The following ZC3H4 variants were observed in gnomAD, a reference collection of about 807,000 sequenced individuals.
ZC3H4 encodes zinc finger CCCH domain-containing protein 4.
ZC3H4 carries 13 observed loss-of-function variants against 108.3 expected under a neutral mutation model. The ratio of observed to expected loss-of-function variants is 0.12; its 90% CI spans 0.08 to 0.19. The LOEUF (loss-of-function observed/expected upper bound fraction) is 0.19. Ranked by LOEUF, ZC3H4 falls within the 10% of genes least tolerant of loss-of-function variation. The probability of loss-of-function intolerance (pLI) is 1.00; values close to 1 mark genes in which losing one functional copy is unlikely to be tolerated. For synonymous variants in ZC3H4, 917 were observed against 749.6 expected (o/e 1.22, Z -3.65); for missense variants, 1,734 against 1,838.8 (o/e 0.94, Z 1.04).
In ZC3H4 at chr19:47,067,600, G is replaced by C; in HGVS notation, c.2668C>G (p.Pro890Ala). 1 of 1,606,582 alleles carries C rather than the reference G, an allele frequency of 6.2e-7. No individual in the cohort carries two copies. The highest frequency in any genetic ancestry group is 8.5e-7 in the Non-Finnish European group (1 of 1,177,780). The change falls in exon 15 of 15, where the codon CCT becomes GCT. Residue 890 changes from proline to alanine, a missense_variant. Coordinates refer to ENST00000253048, the MANE Select transcript of ZC3H4 (RefSeq NM_015168.2). This position sits in a 1 kb window ranked among gnomAD's most constrained non-coding sequence, Gnocchi z 6.4. ...GTGGGCAGGGCGCGAGCCAGCCGAGGATCGGAGGGTCCCGAATCACCTGGG... is the reference window on the plus strand; with the variant it reads ...GTGGGCAGGGCGCGAGCCAGCCGAGCATCGGAGGGTCCCGAATCACCTGGG... Reference protein sequence around the residue: ...SGPGDSGPSDPRLARALPTSK... With the variant: ...SGPGDSGPSDARLARALPTSK...
chr19:47,066,076 A>C lies in ZC3H4; in HGVS notation c.*280T>G. The C allele has an allele frequency of 6.5e-6, 2 of 305,806 alleles. No individual in the cohort carries two copies. Among genetic ancestry groups the C allele is most frequent in the Non-Finnish European group, 1.2e-5 (2 of 166,434 alleles). 18.9% of individuals were successfully genotyped at this position (305,806 alleles called of 1,614,324 possible). A position where few individuals can be genotyped will look rare whatever the true frequency, so the allele number is the denominator to read the frequency against. On this transcript the variant is annotated 3_prime_UTR_variant, in exon 15 of 15. Coordinates refer to ENST00000253048, the MANE Select transcript of ZC3H4 (RefSeq NM_015168.2). ...GAGCCCACAGAGTCTGAGGCCAGGC[A>C]CTGGCGAAAGTTCACAGGTTTGCGG...
chr19:47,076,360 G>A (rs1361865960), intron 11 of ZC3H4, among the ~76,000 whole-genome samples: 2 of 151,878 alleles, frequency 1.3e-5, no homozygotes, highest in African/African-American at 2.4e-5. Context: ...CACTCTTAAA[G>A]CCTGTTTACC....
At position 47,065,325 on chromosome 19, in the gene ZC3H4, A is replaced by G. The variant is rs1252138679; in HGVS notation, c.*1031T>C. The G allele has an allele frequency of 2.0e-5, 3 of 152,760 alleles. No homozygotes were observed. Among genetic ancestry groups the G allele is most frequent in the African/African-American group, 7.2e-5 (3 of 41,458 alleles). The allele number at this position is 152,760 out of a possible 1,614,324, so 9.5% of individuals were successfully genotyped here. ...ATCAATACCTCATGCCCTGCAGGTCACACAGTGTAAGGAGGTGCGAGGAAA... is the reference window on the plus strand; with the variant it reads ...ATCAATACCTCATGCCCTGCAGGTCGCACAGTGTAAGGAGGTGCGAGGAAA... On this transcript the variant is annotated 3_prime_UTR_variant, in exon 15 of 15. Coordinates refer to ENST00000253048, the MANE Select transcript of ZC3H4 (RefSeq NM_015168.2).
chr19:47,080,307 G>A (rs772118796), intron 11 of ZC3H4, among the ~76,000 whole-genome samples: 12 of 152,202 alleles, frequency 7.9e-5, no homozygotes, highest in African/African-American at 2.9e-4. Context: ...CTGATGCCAG[G>A]ATGAGTTTCA....
At chr19:47,075,340 C>A (rs528239258) in intron 11 of ZC3H4, among the ~76,000 whole-genome samples, 2 of 152,136 alleles carry the variant, frequency 1.3e-5, no homozygotes, top group African/African-American at 2.4e-5. Context: ...CAGAGCCTTG[C>A]GCCAGCTGCT....
At position 47,066,811 on chromosome 19, in the gene ZC3H4, T is replaced by C. The variant is rs2057211646; in HGVS notation, c.3457A>G (p.Thr1153Ala). ...LSGISLYDPR[T>A]PNAGGKATEP... ...GTGGCTTTGCCCCCCGCGTTGGGAG[T>C]CCTCGGGTCGTAGAGGCTGATACCG... The change falls in exon 15 of 15, where the codon ACT (threonine) becomes GCT (alanine). Residue 1153 changes from threonine (T) to alanine (A), a missense_variant. Thr to Ala is a moderately conservative substitution (Grantham distance 58). This residue lies in a region of ZC3H4 where 518 missense variants were observed against 499.6 expected (regional missense o/e 1.04). Transcript: ENST00000253048. 1 of 1,600,218 alleles carries C rather than the reference T, an allele frequency of 6.2e-7. No individual in the cohort carries two copies. Among genetic ancestry groups the C allele is most frequent in the Non-Finnish European group, 8.5e-7 (1 of 1,178,952 alleles).
chr19:47,067,055 G>T lies in ZC3H4; in HGVS notation c.3213C>A (p.Pro1071=), dbSNP rs779223341. ...APGSSDKPSD[P]RVRKAPTDPR... is the part of the protein sequence containing the mutation. ...GGTCGGTGGGGGCCTTCCGCACCCG[G>T]GGGTCACTGGGTTTGTCGCTGGAAC... is the stretch of plus-strand genomic sequence containing the variant. The change falls in exon 15 of 15, where the codon CCC becomes CCA. Residue 1071 remains proline (P), a synonymous_variant. Coordinates refer to ENST00000253048, the MANE Select transcript of ZC3H4 (RefSeq NM_015168.2). The surrounding 1 kb of genome is among the most constrained non-coding windows in gnomAD (Gnocchi z 6.4). 1.9e-6 allele frequency: 3 copies of T among 1,607,964 alleles called. No homozygotes were observed. The highest frequency in any genetic ancestry group is 2.5e-6 in the Non-Finnish European group (3 of 1,177,268).
At chr19:47,108,939 C>T (rs2058001115) in intron 2 of ZC3H4, among the ~76,000 whole-genome samples, 1 of 152,040 alleles carries the variant, frequency 6.6e-6, no homozygotes, top group African/African-American at 2.4e-5. Flanking sequence ...ACGAGAACAT[C>T]CATATTTCCA....
intron 11 of ZC3H4, among the ~76,000 whole-genome samples, chr19:47,078,167 T>C (rs1385771023): frequency 6.6e-6 from 1 of 152,188 alleles, no homozygotes; most frequent in African/African-American, 2.4e-5. Flanking sequence ...TCTCTATTTT[T>C]TTCATTATTT....
intron 4 of ZC3H4, among the ~76,000 whole-genome samples, chr19:47,093,443 T>C (rs528558096): frequency 3.3e-5 from 5 of 152,162 alleles, no homozygotes; most frequent in Non-Finnish European, 7.3e-5. Context: ...AGCCGTGACG[T>C]GGACCAGTCA....
In ZC3H4 at chr19:47,067,745, G is replaced by A. The variant is rs1386942423; in HGVS notation, c.2523C>T (p.Ser841=). Residue 841 remains serine (S), a synonymous_variant, in exon 15 of 15, where the codon AGC becomes AGT. Coordinates refer to ENST00000253048, the MANE Select transcript of ZC3H4 (RefSeq NM_015168.2). The surrounding 1 kb of genome is among the most constrained non-coding windows in gnomAD (Gnocchi z 6.4). ...GGAGGCGGGGGTCCCCCAGCCCACT[G>A]CTGCTCAGCTCCCCAACTGAAGCCG... ...RPPASVGELS[S]SGLGDPRLQK... 7 of 1,608,654 alleles carry A rather than the reference G, an allele frequency of 4.4e-6. No individual in the cohort carries two copies. Among genetic ancestry groups the A allele is most frequent in the East Asian group, 2.2e-5 (1 of 44,784 alleles).
chr19:47,103,859 G>C lies in ZC3H4; in HGVS notation c.161+8565C>G, dbSNP rs569938455. On this transcript the variant is annotated intron_variant, in intron 2 of 14. Coordinates refer to ENST00000253048, the MANE Select transcript of ZC3H4 (RefSeq NM_015168.2). ...CTCAGGAGGCTGAGGCAGGAGAATGGCATGAACCCGGGAGGCAGAGCTTGC... is the reference window on the plus strand; with the variant it reads ...CTCAGGAGGCTGAGGCAGGAGAATGCCATGAACCCGGGAGGCAGAGCTTGC... 1.8e-4 allele frequency among the ~76,000 whole-genome samples: 28 copies of C among 151,978 alleles called. 3 individuals are homozygous for C. In the South Asian group the frequency reaches 5.4e-3, roughly 29 times the overall value.
In ZC3H4 at chr19:47,076,218, C is replaced by T. The variant is rs148719943; in HGVS notation, c.1441-3505G>A. Reference sequence around the variant, plus strand: ...ATCATCCGCTCAGTGGGACACTACACAGCAACAAATGGTAATGAACTGTTA... The same window carrying T: ...ATCATCCGCTCAGTGGGACACTACATAGCAACAAATGGTAATGAACTGTTA... On this transcript the variant is annotated intron_variant, in intron 11 of 14. Coordinates refer to ENST00000253048, the MANE Select transcript of ZC3H4 (RefSeq NM_015168.2). 2.2e-4 allele frequency among the ~76,000 whole-genome samples: 34 copies of T among 152,338 alleles called. No homozygotes were observed. In the East Asian group the frequency reaches 6.6e-3, roughly 29 times the overall value.
chr19:47,077,861 C>CAAAA (rs767129835), intron 11 of ZC3H4, among the ~76,000 whole-genome samples: 14 of 72,266 alleles, frequency 1.9e-4, no homozygotes, highest in Admixed American at 3.1e-4. Context: ...CCGTCTCAAA[C>CAAAA]AAAAAAAAAA....
chr19:47,067,495 C>T lies in ZC3H4; in HGVS notation c.2773G>A (p.Glu925Lys). ...SKGSGPPPTE[E>K]EEGERALREK... is the part of the protein sequence containing the mutation. ...CGCAGGGCCCGCTCCCCTTCCTCCT[C>T]CTCCGTTGGGGGCGGCCCAGACCCC... Residue 925 changes from glutamate to lysine, a missense_variant, in exon 15 of 15, where the codon GAG becomes AAG. Physicochemically the swap from Glu to Lys is moderately conservative, Grantham distance 56. Around this residue, in one of 9 missense-constraint regions of ZC3H4, gnomAD observed 540 missense variants for 484.1 expected, o/e 1.12. Transcript: ENST00000253048. This position sits in a 1 kb window ranked among gnomAD's most constrained non-coding sequence, Gnocchi z 6.4. 3 of 1,584,450 alleles carry T rather than the reference C, an allele frequency of 1.9e-6. No individual in the cohort carries two copies. The highest frequency in any genetic ancestry group is 2.6e-6 in the Non-Finnish European group (3 of 1,164,002).
intron 11 of ZC3H4, among the ~76,000 whole-genome samples, chr19:47,078,352 C>T (rs1183985855): frequency 6.6e-6 from 1 of 151,892 alleles, no homozygotes; most frequent in Non-Finnish European, 1.5e-5. Context: ...GGCATGGTGG[C>T]TCACACCTGT....
At chr19:47,094,340 G>C in intron 3 of ZC3H4, 49 bp downstream of exon 3, 1 of 1,602,742 alleles carries the variant, frequency 6.2e-7, no homozygotes, top group East Asian at 2.2e-5. Flanking sequence ...GGGGCTCTCA[G>C]CCAGGCCCAA....
chr19:47,082,777 C>A (rs568917608), intron 9 of ZC3H4, among the ~76,000 whole-genome samples: 1 of 152,338 alleles, frequency 6.6e-6, no homozygotes, highest in African/African-American at 2.4e-5. Flanking sequence ...CCCCAGGGTA[C>A]CCCTGACCAC....
intron 11 of ZC3H4, among the ~76,000 whole-genome samples, chr19:47,077,264 T>A (rs746474674): frequency 5.3e-5 from 8 of 151,234 alleles, no homozygotes; most frequent in Non-Finnish European, 1.0e-4. Flanking sequence ...AGGTCAGGTG[T>A]TCGAGACCAG....
Sources: allele counts gnomAD v4.1 joint callset (sites outside exome capture counted in the v4.1 genomes callset), GRCh38; gene constraint gnomAD v4.1.1; regional missense constraint gnomAD v4.1.1; non-coding constraint Gnocchi (gnomAD v3.1); transcripts MANE v1.5; gene names NCBI Gene and HGNC (gene_info 2026-07-23, HGNC 2026-07-21).